The following TAFA4 variants were observed in gnomAD, a reference collection of about 807,000 sequenced individuals.
TAFA4 encodes TAFA chemokine like family member 4, also known as chemokine-like protein TAFA-4.
In TAFA4, 20 loss-of-function variants were observed where a neutral mutation model predicts 21.1. The observed-to-expected ratio is 0.95, with a 90% CI of 0.67 to 1.38. TAFA4 has a LOEUF of 1.38. TAFA4 is among the 40% of genes most tolerant of loss of function. The pLI is 0.00. For missense variants in TAFA4, 211 were observed against 180.9 expected (o/e 1.17, Z -0.95); for synonymous variants, 71 against 67.4 (o/e 1.05, Z -0.26).
In TAFA4 at chr3:68,751,348, G is replaced by A. The variant is rs140527055; in HGVS notation, c.286+1515C>T. Among the ~76,000 whole-genome samples, 680 of 141,038 alleles carry A rather than the reference G, an allele frequency of 4.8e-3. 4 individuals are homozygous for A. The highest frequency in any genetic ancestry group is 8.1e-3 in the Non-Finnish European group (511 of 63,268). The allele number at this position is 141,038 out of a possible 152,430, so 92.5% of individuals were successfully genotyped here. On this transcript the variant is annotated intron_variant, in intron 4 of 5. Transcript: ENST00000295569. Reference sequence around the variant, plus strand: ...TCATTCTGGGTAGAGGACTGAAAGCGGAAGGAGAGGTGTGGCACACTCAGC... The same window carrying A: ...TCATTCTGGGTAGAGGACTGAAAGCAGAAGGAGAGGTGTGGCACACTCAGC...
chr3:68,879,595 A>G (rs1394583102), intron 3 of TAFA4, among the ~76,000 whole-genome samples: 1 of 152,160 alleles, frequency 6.6e-6, no homozygotes, highest in Non-Finnish European at 1.5e-5. Flanking sequence ...ACAGCAGCCA[A>G]ATGGTATTGA....
intron 4 of TAFA4, among the ~76,000 whole-genome samples, chr3:68,748,703 C>T (rs1390167120): frequency 1.3e-5 from 2 of 149,550 alleles, no homozygotes; most frequent in Non-Finnish European, 3.0e-5. Context: ...GAGAGCACGC[C>T]ACTGCACTCC....
At chr3:68,840,994 AAC>A (rs1704648919) in intron 3 of TAFA4, among the ~76,000 whole-genome samples, 1 of 152,188 alleles carries the variant, frequency 6.6e-6, no homozygotes, top group Non-Finnish European at 1.5e-5. Flanking sequence ...GCAAAAATCT[AAC>A]ATCATTAAAA....
intron 3 of TAFA4, among the ~76,000 whole-genome samples, chr3:68,838,326 AATT>A (rs1326188202): frequency 2.0e-5 from 3 of 152,186 alleles, no homozygotes; most frequent in African/African-American, 4.8e-5. Flanking sequence ...ACTTTACCAC[AATT>A]ATTATTTTTA....
At chr3:68,743,223 T>C (rs1702389867) in intron 4 of TAFA4, among the ~76,000 whole-genome samples, 1 of 152,190 alleles carries the variant, frequency 6.6e-6, no homozygotes, top group Non-Finnish European at 1.5e-5. Context: ...TGGTTATTTA[T>C]TGTGCCAGAG....
intron 3 of TAFA4, among the ~76,000 whole-genome samples, chr3:68,831,711 T>C (rs539122846): frequency 6.6e-6 from 1 of 152,222 alleles, no homozygotes; most frequent in African/African-American, 2.4e-5. Context: ...CTGTATTTCC[T>C]GAATTTGAAT....
chr3:68,876,152 T>C lies in TAFA4; in HGVS notation c.130+4578A>G, dbSNP rs943262859. ...TTGAGCACTTGAAACGTGGCTAGGG[T>C]CACATGTTAAAATGATAATATTTTG... On this transcript the variant is annotated intron_variant, in intron 3 of 5. Coordinates refer to ENST00000295569, the MANE Select transcript of TAFA4 (RefSeq NM_182522.5). Among the ~76,000 whole-genome samples, 4 of 152,154 alleles carry C rather than the reference T, an allele frequency of 2.6e-5. No homozygotes were observed. In the East Asian group the frequency reaches 5.8e-4, roughly 22 times the overall value.
chr3:68,825,730 G>A (rs1704213716), intron 3 of TAFA4, among the ~76,000 whole-genome samples: 1 of 152,152 alleles, frequency 6.6e-6, no homozygotes, highest in African/African-American at 2.4e-5. Context: ...CCCTATCTGT[G>A]AGGCCTTCCA....
chr3:68,833,501 G>A (rs1339570080), intron 3 of TAFA4, among the ~76,000 whole-genome samples: 2 of 152,030 alleles, frequency 1.3e-5, no homozygotes, highest in Admixed American at 6.6e-5. Context: ...TCAATAAAAG[G>A]ACCAATATAA....
chr3:68,790,764 G>A (rs138733619), intron 3 of TAFA4, among the ~76,000 whole-genome samples: 1 of 152,274 alleles, frequency 6.6e-6, no homozygotes, highest in Non-Finnish European at 1.5e-5. Flanking sequence ...GAGCAGTGAG[G>A]GGTGAAAGGA....
At chr3:68,738,403 T>C (rs1319754052) in intron 5 of TAFA4, among the ~76,000 whole-genome samples, 2 of 152,134 alleles carry the variant, frequency 1.3e-5, no homozygotes, top group African/African-American at 4.8e-5. Context: ...AAAATTATTG[T>C]AGTCACTGTG....
At chr3:68,877,798 G>C (rs1186127213) in intron 3 of TAFA4, among the ~76,000 whole-genome samples, 3 of 152,198 alleles carry the variant, frequency 2.0e-5, no homozygotes, top group Admixed American at 6.5e-5. Flanking sequence ...ACAGTCTTCA[G>C]CTGTTCCTGG....
chr3:68,913,963 G>T (rs1418487351), intron 1 of TAFA4, among the ~76,000 whole-genome samples: 1 of 152,166 alleles, frequency 6.6e-6, no homozygotes, highest in Non-Finnish European at 1.5e-5. Context: ...ATGTGTGGTA[G>T]CTATGTTTTC....
At chr3:68,911,218 TCCATTTTTTTCC>T (rs1425776163) in intron 1 of TAFA4, among the ~76,000 whole-genome samples, 3 of 152,164 alleles carry the variant, frequency 2.0e-5, no homozygotes, top group Non-Finnish European at 4.4e-5. Flanking sequence ...TCCTCCATGA[TCCATTTTTTTCC>T]TATAAAAGAC....
In TAFA4 at chr3:68,753,023, T is replaced by A; in HGVS notation, c.131-5A>T. The A allele has an allele frequency of 2.5e-6, 4 of 1,611,936 alleles. No individual in the cohort carries two copies. The Admixed American group carries it at 5.0e-5, about 20-fold the overall frequency. On this transcript the variant is annotated splice_polypyrimidine_tract_variant and splice_region_variant and intron_variant, in intron 3 of 5. Transcript: ENST00000295569. ...CTTGCTTGATTTGGTGGTGACCTAG[T>A]TGGTAATGGGGGAGAAAAACAAACC...
chr3:68,789,734 C>T (rs1267114024), intron 3 of TAFA4, among the ~76,000 whole-genome samples: 1 of 152,184 alleles, frequency 6.6e-6, no homozygotes, highest in Non-Finnish European at 1.5e-5. Flanking sequence ...TTAGTTTCAA[C>T]TAGTGCCTGA....
intron 3 of TAFA4, among the ~76,000 whole-genome samples, chr3:68,877,629 TTTCTCTCC>T (rs2089565899): frequency 6.6e-6 from 1 of 152,330 alleles, no homozygotes; most frequent in South Asian, 2.1e-4. Flanking sequence ...TGTTGAAGCC[TTTCTCTCC>T]TTAAGGTTGA....
chr3:68,870,154 A>G (rs1001826980), intron 3 of TAFA4, among the ~76,000 whole-genome samples: 1 of 152,104 alleles, frequency 6.6e-6, no homozygotes, highest in African/African-American at 2.4e-5. Context: ...AGATGCAAAA[A>G]ATCTCTACAA....
At chr3:68,887,344 C>T (rs1326715725) in intron 1 of TAFA4, among the ~76,000 whole-genome samples, 1 of 152,120 alleles carries the variant, frequency 6.6e-6, no homozygotes, top group Non-Finnish European at 1.5e-5. Context: ...GCAGCCCTGC[C>T]CCTGTGGCTT....
Sources: gnomAD v4.1 joint callset for allele counts (sites outside exome capture counted in the v4.1 genomes callset) on GRCh38, gnomAD v4.1.1 for gene constraint, MANE v1.5 for transcripts, NCBI Gene and HGNC (gene_info 2026-07-23, HGNC 2026-07-21) for gene names.